The following FBXW7 variants were observed in gnomAD, a reference collection of about 807,000 sequenced individuals.
The protein encoded by FBXW7 is F-box and WD repeat domain containing 7, also known as F-box/WD repeat-containing protein 7.
Under a neutral mutation model 86.3 loss-of-function variants are expected in FBXW7, and 11 were observed. The observed-to-expected ratio is 0.13, with a 90% CI of 0.08 to 0.21. The LOEUF is 0.21. Ranked by LOEUF, FBXW7 falls within the 10% of genes least tolerant of loss-of-function variation. The pLI is 1.00. For missense variants in FBXW7, 488 were observed against 847.4 expected (o/e 0.58, Z 5.27); for synonymous variants, 313 against 297.9 (o/e 1.05, Z -0.52).
intron 12 of FBXW7, chr4:152,325,741 G>C (rs772293930): frequency 1.0e-5 from 4 of 386,590 alleles, no homozygotes; most frequent in Non-Finnish European, 1.9e-5. Context: ...AATTAACATA[G>C]CAAAACTTAG....
chr4:152,440,883 T>C (rs150252029), intron 2 of FBXW7, among the ~76,000 whole-genome samples: 2,152 of 152,262 alleles, frequency 0.014, 24 homozygotes, highest in Middle Eastern at 0.034. Context: ...GGTTCAATAC[T>C]GTAACATTCT....
intron 4 of FBXW7, among the ~76,000 whole-genome samples, chr4:152,396,130 C>T (rs756325344): frequency 1.3e-5 from 2 of 151,826 alleles, no homozygotes; most frequent in African/African-American, 2.4e-5. Context: ...GTAAATAAAT[C>T]ATTGATGGAA....
At chr4:152,479,008 TA>T (rs1026557583) in intron 2 of FBXW7, among the ~76,000 whole-genome samples, 2 of 152,098 alleles carry the variant, frequency 1.3e-5, no homozygotes, top group Non-Finnish European at 2.9e-5. Context: ...ATTAAAGAAC[TA>T]AAATAGGCTT....
At chr4:152,427,506 T>C (rs1278935488) in intron 2 of FBXW7, among the ~76,000 whole-genome samples, 3 of 152,214 alleles carry the variant, frequency 2.0e-5, no homozygotes, top group Non-Finnish European at 4.4e-5. Context: ...TGCAATTCAT[T>C]AGCTTCTGTG....
At chr4:152,373,286 G>GTA (rs1734169893) in intron 4 of FBXW7, among the ~76,000 whole-genome samples, 1 of 151,948 alleles carries the variant, frequency 6.6e-6, no homozygotes, top group South Asian at 2.1e-4. Context: ...ATGAGTTTAT[G>GTA]TATAGAAAGT....
intron 2 of FBXW7, among the ~76,000 whole-genome samples, chr4:152,528,381 TTC>T (rs1394612843): frequency 1.3e-5 from 2 of 152,202 alleles, no homozygotes; most frequent in Non-Finnish European, 2.9e-5. Flanking sequence ...TCTTGTGCAT[TTC>T]TGTTTGTTTC....
intron 4 of FBXW7, chr4:152,353,047 GTTAT>G: frequency 8.8e-7 from 1 of 1,135,734 alleles, no homozygotes; most frequent in Non-Finnish European, 1.1e-6. Context: ...CTTTCAAGAG[GTTAT>G]TTTTGTATTT....
At chr4:152,365,719 A>T (rs970517918) in intron 4 of FBXW7, among the ~76,000 whole-genome samples, 1 of 152,266 alleles carries the variant, frequency 6.6e-6, no homozygotes, top group East Asian at 1.9e-4. Flanking sequence ...TGGGTATCCA[A>T]ATCTCATGCT....
chr4:152,416,879 C>T (rs1395956812), intron 2 of FBXW7, among the ~76,000 whole-genome samples: 7 of 152,134 alleles, frequency 4.6e-5, no homozygotes, highest in Admixed American at 2.6e-4. Flanking sequence ...TACGCCACCA[C>T]CTGTGTGATA....
At position 152,536,028 on chromosome 4, in the gene FBXW7, A is replaced by G; in HGVS notation, c.-1114T>C. On this transcript the variant is annotated 5_prime_UTR_variant, in exon 1 of 14. Coordinates refer to ENST00000281708, the MANE Select transcript of FBXW7 (RefSeq NM_001349798.2). The stretch of plus-strand genomic sequence containing the variant: ...CGGCGGCGGCGGCAGCGGCAGCGGC[A>G]GCGCCCGGAGCTCAGCTCGCTGTCT... 1 of 216,794 alleles carries G rather than the reference A, an allele frequency of 4.6e-6. No homozygotes were observed. 13.4% of individuals were successfully genotyped at this position (216,794 alleles called of 1,614,324 possible). A position where few individuals can be genotyped will look rare whatever the true frequency, so the allele number is the denominator to read the frequency against.
intron 4 of FBXW7, among the ~76,000 whole-genome samples, chr4:152,392,817 T>C (rs932416158): frequency 1.3e-5 from 2 of 152,166 alleles, no homozygotes; most frequent in African/African-American, 4.8e-5. Context: ...ATCTTGAGGA[T>C]GGCAAAATTT....
chr4:152,359,673 G>C (rs1732739004), intron 4 of FBXW7, among the ~76,000 whole-genome samples: 1 of 151,942 alleles, frequency 6.6e-6, no homozygotes, highest in Non-Finnish European at 1.5e-5. Context: ...TGAGGCAAGA[G>C]AATCACTTGA....
At chr4:152,333,107 C>T (rs537473145) in intron 7 of FBXW7, among the ~76,000 whole-genome samples, 204 of 152,204 alleles carry the variant, frequency 1.3e-3, no homozygotes, top group Middle Eastern at 0.01. Context: ...GCTTCCCTGA[C>T]AGATAAGAAA....
At chr4:152,524,821 CA>C (rs1287610816) in intron 2 of FBXW7, among the ~76,000 whole-genome samples, 1 of 152,170 alleles carries the variant, frequency 6.6e-6, no homozygotes, top group African/African-American at 2.4e-5. Context: ...TATTTATCCG[CA>C]GGGGGGAAAA....
intron 2 of FBXW7, among the ~76,000 whole-genome samples, chr4:152,421,337 A>C (rs1480402923): frequency 6.6e-6 from 1 of 152,158 alleles, no homozygotes; most frequent in Non-Finnish European, 1.5e-5. Flanking sequence ...AACTTTCTCC[A>C]TATCAGCAAT....
chr4:152,384,181 T>A (rs1395451577), intron 4 of FBXW7, among the ~76,000 whole-genome samples: 1 of 152,112 alleles, frequency 6.6e-6, no homozygotes, highest in East Asian at 1.9e-4. Flanking sequence ...CACTTCTGAG[T>A]ATATACCTTA....
At chr4:152,328,434 G>A (rs1174082520) in intron 10 of FBXW7, 45 bp from the exon 11 acceptor site, 1 of 1,295,310 alleles carries the variant, frequency 7.7e-7, no homozygotes, top group Non-Finnish European at 1.0e-6. Flanking sequence ...GAAAGGAAAA[G>A]TGATTTAAAT....
chr4:152,374,687 G>A (rs1395003937), intron 4 of FBXW7, among the ~76,000 whole-genome samples: 5 of 152,044 alleles, frequency 3.3e-5, no homozygotes, highest in Non-Finnish European at 7.4e-5. Context: ...ATACAAAGTT[G>A]TCATATAACA....
chr4:152,432,079 T>G (rs1231777790), intron 2 of FBXW7, among the ~76,000 whole-genome samples: 1 of 152,224 alleles, frequency 6.6e-6, no homozygotes, highest in African/African-American at 2.4e-5. Flanking sequence ...GTCTCAAATG[T>G]GCTTCCTTCT....
Sources: gnomAD v4.1 joint callset for allele counts (sites outside exome capture counted in the v4.1 genomes callset) on GRCh38, gnomAD v4.1.1 for gene constraint, MANE v1.5 for transcripts, NCBI Gene and HGNC (gene_info 2026-07-23, HGNC 2026-07-21) for gene names.